The following PDZD2 variants were observed in gnomAD, a reference collection of about 807,000 sequenced individuals.
The protein encoded by PDZD2 is PDZ domain containing 2, also known as PDZ domain-containing protein 2.
In PDZD2, 90 loss-of-function variants were observed where a neutral mutation model predicts 220.7. That is an observed-to-expected ratio of 0.41 (90% CI 0.34 to 0.49). The LOEUF is 0.49. Ranked by LOEUF, PDZD2 falls within the 20% of genes least tolerant of loss-of-function variation. PDZD2 has a pLI of 0.28. For missense variants in PDZD2, 3,174 were observed against 3,608.5 expected (o/e 0.88, Z 3.08); for synonymous variants, 1,375 against 1,450.5 (o/e 0.95, Z 1.18).
chr5:32,052,680 A>T lies in PDZD2; in HGVS notation c.1735A>T (p.Ile579Phe), dbSNP rs748561061. ...TCAGGTGGAATCTCCTTGGAGGCTC[A>T]TTCGGCCATCCGTCATCTCGATCAT... ...TTQVESPWRL[I>F]RPSVISIIGL... The change falls in exon 9 of 25, where the codon ATT becomes TTT. Residue 579 changes from isoleucine to phenylalanine, a missense_variant. Coordinates refer to ENST00000438447, the MANE Select transcript of PDZD2 (RefSeq NM_178140.4). The T allele has an allele frequency of 2.5e-6, 4 of 1,614,034 alleles. 1 individual carries two copies. The South Asian group carries it at 4.4e-5, about 18-fold the overall frequency.
At chr5:31,915,252 G>A (rs1743580381) in intron 2 of PDZD2, among the ~76,000 whole-genome samples, 2 of 151,568 alleles carry the variant, frequency 1.3e-5, no homozygotes, top group African/African-American at 4.9e-5. Flanking sequence ...GTGACATCCA[G>A]GCAAAAAAAT....
chr5:31,842,169 T>C (rs1757350793), intron 2 of PDZD2, among the ~76,000 whole-genome samples: 1 of 152,212 alleles, frequency 6.6e-6, no homozygotes, highest in Non-Finnish European at 1.5e-5. Flanking sequence ...CTACCAGTTC[T>C]CCTCCATTTC....
At chr5:31,895,521 C>T (rs1351477810) in intron 2 of PDZD2, among the ~76,000 whole-genome samples, 1 of 152,164 alleles carries the variant, frequency 6.6e-6, no homozygotes, top group African/African-American at 2.4e-5. Flanking sequence ...AGCTACCCAG[C>T]CTATGATATT....
intron 2 of PDZD2, among the ~76,000 whole-genome samples, chr5:31,897,283 C>T (rs1271922989): frequency 6.6e-6 from 1 of 152,072 alleles, no homozygotes; most frequent in African/African-American, 2.4e-5. Flanking sequence ...GAAAGTAAAC[C>T]TCGAGTATCT....
At chr5:31,832,738 C>T (rs1420941483) in intron 2 of PDZD2, among the ~76,000 whole-genome samples, 2 of 152,112 alleles carry the variant, frequency 1.3e-5, no homozygotes, top group East Asian at 3.9e-4. Flanking sequence ...ATCACTTGAG[C>T]CCAGGAGGCG....
intron 11 of PDZD2, 74 bp from the exon 12 acceptor site, chr5:32,057,804 G>GTTTT: frequency 1.8e-6 from 2 of 1,093,394 alleles, no homozygotes; most frequent in African/African-American, 1.6e-5. Context: ...TTGGTGAGTT[G>GTTTT]TTTTTTTTTT....
At chr5:32,034,393 C>T (rs546747273) in intron 6 of PDZD2, among the ~76,000 whole-genome samples, 2 of 145,838 alleles carry the variant, frequency 1.4e-5, no homozygotes, top group East Asian at 4.0e-4. Context: ...GAGTCTCGCT[C>T]TGTCACCCAG....
chr5:32,097,139 C>T, intron 21 of PDZD2, 140 bp from the exon 22 acceptor site: 1 of 639,834 alleles, frequency 1.6e-6, no homozygotes, highest in Non-Finnish European at 2.8e-6. Context: ...AGCCAAAGAA[C>T]CTTTAGGGCC....
intron 14 of PDZD2, among the ~76,000 whole-genome samples, chr5:32,064,797 G>A (rs1441774802): frequency 6.6e-6 from 1 of 150,896 alleles, no homozygotes; most frequent in Non-Finnish European, 1.5e-5. Flanking sequence ...GCAAAACCAC[G>A]TCTCTACTAA....
chr5:31,844,177 A>C (rs901928565), intron 2 of PDZD2, among the ~76,000 whole-genome samples: 1 of 152,186 alleles, frequency 6.6e-6, no homozygotes, highest in South Asian at 2.1e-4. Flanking sequence ...ATTGTAAGAG[A>C]GCAAGTCAAG....
At chr5:32,057,497 T>C (rs1304959358) in intron 10 of PDZD2, among the ~76,000 whole-genome samples, 158 bp from the exon 11 acceptor site, 3 of 152,270 alleles carry the variant, frequency 2.0e-5, no homozygotes, top group Non-Finnish European at 4.4e-5. Flanking sequence ...AATTGTCCCA[T>C]TTTGTGACAT....
chr5:31,950,611 C>T (rs2111608224), intron 2 of PDZD2, among the ~76,000 whole-genome samples: 2 of 152,218 alleles, frequency 1.3e-5, no homozygotes, highest in Middle Eastern at 6.8e-3. Flanking sequence ...ATTCACAGTA[C>T]AAAATTGAGA....
chr5:31,921,995 C>T (rs1744305800), intron 2 of PDZD2, among the ~76,000 whole-genome samples: 1 of 152,098 alleles, frequency 6.6e-6, no homozygotes, highest in Admixed American at 6.6e-5. Flanking sequence ...ATTCTTGTGT[C>T]TTTTGTTTTC....
chr5:31,862,998 A>G (rs1410322441), intron 2 of PDZD2, among the ~76,000 whole-genome samples: 9 of 151,888 alleles, frequency 5.9e-5, no homozygotes, highest in Admixed American at 6.6e-5. Flanking sequence ...AGGCGTGGCA[A>G]TCCCACGCCT....
chr5:32,049,415 T>C (rs1179621298), intron 8 of PDZD2, among the ~76,000 whole-genome samples: 1 of 152,116 alleles, frequency 6.6e-6, no homozygotes, highest in East Asian at 1.9e-4. Context: ...AGCCCTATGA[T>C]GAAGCAGAGA....
chr5:31,962,884 G>A (rs970915262), intron 2 of PDZD2, among the ~76,000 whole-genome samples: 14 of 152,078 alleles, frequency 9.2e-5, no homozygotes, highest in South Asian at 4.2e-4. Flanking sequence ...CACTCTTCCC[G>A]GTGTGAAGTT....
In PDZD2 at chr5:31,646,001, G is replaced by A. The variant is rs1745123200; in HGVS notation, c.-361+6564G>A. Among the ~76,000 whole-genome samples, 1 of 150,716 alleles carries A rather than the reference G, an allele frequency of 6.6e-6. No individual in the cohort carries two copies. The highest frequency in any genetic ancestry group is 6.7e-5 in the Admixed American group (1 of 15,020). On this transcript the variant is annotated intron_variant, in intron 1 of 24. Transcript: ENST00000438447. This position sits in a 1 kb window ranked among gnomAD's most constrained non-coding sequence, Gnocchi z 4.7. Reference sequence around the variant, plus strand: ...CATGGGAGGCCTCCGGGCATCCCCAGGCAGCTGGTGGGAGGAGAGAGGGTG... The same window carrying A: ...CATGGGAGGCCTCCGGGCATCCCCAAGCAGCTGGTGGGAGGAGAGAGGGTG...
chr5:32,003,331 C>A (rs146070960), intron 5 of PDZD2, among the ~76,000 whole-genome samples: 75 of 69,702 alleles, frequency 1.1e-3, no homozygotes, highest in Non-Finnish European at 1.5e-3. Flanking sequence ...ACACACACCC[C>A]CACCACACCA....
intron 2 of PDZD2, among the ~76,000 whole-genome samples, chr5:31,836,377 G>A (rs1756943058): frequency 6.6e-6 from 1 of 151,884 alleles, no homozygotes. Flanking sequence ...GATTACAGAT[G>A]TGCACCACCA....
Sources: gnomAD v4.1 joint callset for allele counts (sites outside exome capture counted in the v4.1 genomes callset) on GRCh38, gnomAD v4.1.1 for gene constraint, Gnocchi (gnomAD v3.1) non-coding constraint, MANE v1.5 for transcripts, NCBI Gene and HGNC (gene_info 2026-07-23, HGNC 2026-07-21) for gene names.